The following CCDC60 variants were observed in gnomAD, a reference collection of about 807,000 sequenced individuals.
CCDC60 encodes the protein coiled-coil domain-containing protein 60.
A neutral mutation model predicts 63.5 loss-of-function variants in CCDC60; 54 were observed. That is an observed-to-expected ratio of 0.85 (90% CI 0.68 to 1.07). The LOEUF (loss-of-function observed/expected upper bound fraction) is 1.07. Ranked by LOEUF, CCDC60 falls within the 50% of genes least tolerant of loss-of-function variation. The pLI is 0.00. For missense variants in CCDC60, 651 were observed against 684.3 expected, an observed-to-expected ratio of 0.95 and a Z score of 0.54; for synonymous variants, 206 against 238.8, an observed-to-expected ratio of 0.86 and a Z score of 1.27.
At chr12:119,422,341 T>C (rs1176049573) in intron 1 of CCDC60, among the ~76,000 whole-genome samples, 2 of 152,196 alleles carry the variant, frequency 1.3e-5, no homozygotes, top group Non-Finnish European at 2.9e-5. Context: ...GACGGTGTAT[T>C]AGTCCATTCT....
chr12:119,471,918 CTCCTTCTCTT>C (rs1340608363), intron 2 of CCDC60, 66 bp from the exon 3 acceptor site: 30 of 1,224,078 alleles, frequency 2.5e-5, no homozygotes, highest in Non-Finnish European at 3.3e-5. Flanking sequence ...CTTTCTTTCT[CTCCTTCTCTT>C]TCCTTCTCTC....
chr12:119,380,862 T>G (rs924384789), intron 1 of CCDC60, among the ~76,000 whole-genome samples: 2 of 152,252 alleles, frequency 1.3e-5, no homozygotes, highest in African/African-American at 4.8e-5. Flanking sequence ...TATAGTTACT[T>G]TCTATTTGTG....
intron 2 of CCDC60, among the ~76,000 whole-genome samples, chr12:119,441,549 C>T (rs1430809760): frequency 6.6e-6 from 1 of 152,194 alleles, no homozygotes; most frequent in Non-Finnish European, 1.5e-5. Flanking sequence ...TGTCCCCTTC[C>T]AGTCTCTAAC....
At chr12:119,426,031 A>G (rs1472680944) in intron 1 of CCDC60, among the ~76,000 whole-genome samples, 2 of 152,196 alleles carry the variant, frequency 1.3e-5, no homozygotes, top group Non-Finnish European at 1.5e-5. Context: ...TTCATTATGC[A>G]AAAGCATGGG....
chr12:119,464,423 C>T (rs1950915517), intron 2 of CCDC60, among the ~76,000 whole-genome samples: 1 of 151,554 alleles, frequency 6.6e-6, no homozygotes, highest in South Asian at 2.1e-4. Context: ...TCCCTCCCTT[C>T]CATCTTTCCT....
intron 9 of CCDC60, among the ~76,000 whole-genome samples, chr12:119,520,512 C>A (rs1952495485): frequency 6.6e-6 from 1 of 151,426 alleles, no homozygotes; most frequent in African/African-American, 2.4e-5. Context: ...GAGATCTTAC[C>A]CCAATTTATT....
intron 7 of CCDC60, among the ~76,000 whole-genome samples, chr12:119,511,614 C>G (rs1952216422): frequency 6.6e-6 from 1 of 152,194 alleles, no homozygotes. Flanking sequence ...TGGATTTAGG[C>G]ATTCAAGGGT....
chr12:119,486,410 T>A (rs144659308), intron 4 of CCDC60, among the ~76,000 whole-genome samples: 1 of 152,236 alleles, frequency 6.6e-6, no homozygotes, highest in East Asian at 1.9e-4. Flanking sequence ...TGGTGATGCA[T>A]GTCTGTAGTC....
At chr12:119,483,903 A>G (rs970067528) in intron 4 of CCDC60, among the ~76,000 whole-genome samples, 1 of 152,106 alleles carries the variant, frequency 6.6e-6, no homozygotes, top group African/African-American at 2.4e-5. Context: ...CATTATGAGA[A>G]AAGACCGATT....
intron 12 of CCDC60, among the ~76,000 whole-genome samples, chr12:119,530,157 A>C (rs1276606281): frequency 6.6e-6 from 1 of 152,174 alleles, no homozygotes; most frequent in East Asian, 1.9e-4. Flanking sequence ...TATAATAAAT[A>C]TATATCCTAG....
At chr12:119,435,731 G>C (rs1371777832) in intron 2 of CCDC60, among the ~76,000 whole-genome samples, 1 of 152,212 alleles carries the variant, frequency 6.6e-6, no homozygotes, top group Non-Finnish European at 1.5e-5. Context: ...GTCAGCTGTT[G>C]CTGCATAACA....
chr12:119,449,592 T>C (rs1244629590), intron 2 of CCDC60, among the ~76,000 whole-genome samples: 1 of 152,220 alleles, frequency 6.6e-6, no homozygotes, highest in Non-Finnish European at 1.5e-5. Flanking sequence ...GAATTTCAAA[T>C]GGTTTAGTTA....
chr12:119,483,422 T>C (rs1345915034), intron 4 of CCDC60, among the ~76,000 whole-genome samples: 1 of 152,172 alleles, frequency 6.6e-6, no homozygotes, highest in African/African-American at 2.4e-5. Flanking sequence ...GAGACTGACC[T>C]TTATCTTTAA....
intron 1 of CCDC60, among the ~76,000 whole-genome samples, chr12:119,365,489 A>G (rs977608185): frequency 6.6e-6 from 1 of 152,196 alleles, no homozygotes; most frequent in Non-Finnish European, 1.5e-5. Context: ...AAATTGTCAC[A>G]TTATACAAAT....
At chr12:119,409,388 C>T (rs779399999) in intron 1 of CCDC60, among the ~76,000 whole-genome samples, 1 of 152,088 alleles carries the variant, frequency 6.6e-6, no homozygotes, top group African/African-American at 2.4e-5. Flanking sequence ...TGCACCACCC[C>T]CCAACCCCCA....
chr12:119,518,251 G>A (rs927094890), intron 8 of CCDC60, among the ~76,000 whole-genome samples: 1 of 152,170 alleles, frequency 6.6e-6, no homozygotes, highest in East Asian at 1.9e-4. Context: ...TCAGCTCAAT[G>A]AGGCTCCTTC....
At chr12:119,508,681 C>T (rs1952124607) in intron 7 of CCDC60, among the ~76,000 whole-genome samples, 1 of 152,110 alleles carries the variant, frequency 6.6e-6, no homozygotes, top group Non-Finnish European at 1.5e-5. Context: ...AGGCAGGGGC[C>T]AGAGCACGCA....
chr12:119,537,390 G>A (rs912923786), intron 13 of CCDC60, among the ~76,000 whole-genome samples: 1 of 152,118 alleles, frequency 6.6e-6, no homozygotes, highest in Non-Finnish European at 1.5e-5. Context: ...TGTTATTACC[G>A]ACCTTCTGAA....
At chr12:119,519,855 A>AGAGT (rs1555255359) in intron 8 of CCDC60, among the ~76,000 whole-genome samples, 9 of 127,034 alleles carry the variant, frequency 7.1e-5, no homozygotes, top group African/African-American at 2.7e-4. Flanking sequence ...AGAGAGAGAG[A>AGAGT]GTGTGTGTGT....
Sources: gnomAD v4.1 joint callset for allele counts (sites outside exome capture counted in the v4.1 genomes callset) on GRCh38, gnomAD v4.1.1 for gene constraint, MANE v1.5 for transcripts, NCBI Gene and HGNC (gene_info 2026-07-23, HGNC 2026-07-21) for gene names.